The following ATP6V0D2 variants were observed in gnomAD, a reference collection of about 807,000 sequenced individuals.
ATP6V0D2 encodes the protein V-type proton ATPase subunit d 2.
A neutral mutation model predicts 40.0 loss-of-function variants in ATP6V0D2; 40 were observed. That is an observed-to-expected ratio of 1.00 (90% CI 0.78 to 1.30). The LOEUF (loss-of-function observed/expected upper bound fraction) is 1.30, where lower values mean the gene tolerates loss of function less well. Among genes scored for constraint, ATP6V0D2 ranks in the 50% most tolerant of loss-of-function variants. ATP6V0D2 has a pLI of 0.00. For synonymous variants in ATP6V0D2, 179 were observed against 156.3 expected (o/e 1.15, Z -1.08); for missense variants, 470 against 423.1 (o/e 1.11, Z -0.97).
chr8:86,113,210 G>A (rs943197469), intron 1 of ATP6V0D2, among the ~76,000 whole-genome samples: 2 of 151,786 alleles, frequency 1.3e-5, no homozygotes, highest in Non-Finnish European at 2.9e-5. Context: ...CAGGCACAGT[G>A]GCTCCTGCCT....
intron 6 of ATP6V0D2, among the ~76,000 whole-genome samples, chr8:86,151,206 T>C (rs1819145556): frequency 6.7e-6 from 1 of 149,914 alleles, no homozygotes; most frequent in African/African-American, 2.4e-5. Flanking sequence ...AGTGAGAAAA[T>C]GAGCTCAAAC....
intron 2 of ATP6V0D2, among the ~76,000 whole-genome samples, chr8:86,128,663 A>G (rs1160831027): frequency 6.6e-6 from 1 of 152,256 alleles, no homozygotes; most frequent in Non-Finnish European, 1.5e-5. Flanking sequence ...TAAAGGAAAC[A>G]TCATATAAAA....
At chr8:86,100,326 CAAT>C (rs1183739147) in intron 1 of ATP6V0D2, among the ~76,000 whole-genome samples, 1 of 151,954 alleles carries the variant, frequency 6.6e-6, no homozygotes, top group Non-Finnish European at 1.5e-5. Context: ...CCATATAGGT[CAAT>C]AATAAGGTGG....
intron 7 of ATP6V0D2, among the ~76,000 whole-genome samples, chr8:86,151,895 T>C (rs1176076776): frequency 4.6e-5 from 7 of 152,090 alleles, no homozygotes; most frequent in Non-Finnish European, 1.0e-4. Context: ...AAAATTTTGG[T>C]TAATCATATG....
intron 1 of ATP6V0D2, among the ~76,000 whole-genome samples, chr8:86,104,903 T>C (rs1447360657): frequency 1.4e-5 from 2 of 144,438 alleles, no homozygotes; most frequent in Non-Finnish European, 1.5e-5. Context: ...TCAGGCAAGA[T>C]AAATGATAAA....
At chr8:86,129,837 C>T (rs1236509726) in intron 2 of ATP6V0D2, among the ~76,000 whole-genome samples, 1 of 150,012 alleles carries the variant, frequency 6.7e-6, no homozygotes, top group Non-Finnish European at 1.5e-5. Flanking sequence ...ATTGACCAGG[C>T]ATGATGGTGC....
chr8:86,150,062 T>C (rs1346804620), intron 5 of ATP6V0D2, 50 bp from the exon 6 acceptor site: 2 of 1,548,538 alleles, frequency 1.3e-6, no homozygotes, highest in Admixed American at 1.8e-5. Flanking sequence ...AGTCTGTTTA[T>C]AGCATTTAGC....
In ATP6V0D2 at chr8:86,141,454, AT is replaced by A. The variant is rs1452804213; in HGVS notation, c.488del (p.Phe163SerfsTer11). On this transcript the variant is annotated frameshift_variant, in exon 4 of 8. Transcript: ENST00000285393. LOFTEE classifies it high-confidence loss of function. ...AILIETPLAP[F>X]FQDCMSENAL... Reference sequence around the variant, plus strand: ...TATGGCAATTTCTGCTTTCAGCTCCATTCTTCCAAGACTGCATGTCTGAAAA... The same window carrying A: ...TATGGCAATTTCTGCTTTCAGCTCCATCTTCCAAGACTGCATGTCTGAAAA... The A allele has an allele frequency of 6.2e-7, 1 of 1,609,448 alleles. No individual in the cohort carries two copies. Among genetic ancestry groups the A allele is most frequent in the Non-Finnish European group, 8.5e-7 (1 of 1,177,818 alleles).
chr8:86,149,192 A>G (rs1038562297), intron 5 of ATP6V0D2, among the ~76,000 whole-genome samples: 6 of 152,026 alleles, frequency 3.9e-5, no homozygotes, highest in African/African-American at 1.5e-4. Context: ...CCTAGAGAAG[A>G]GCTGCGTAGC....
chr8:86,129,583 C>A (rs1322802112), intron 2 of ATP6V0D2, among the ~76,000 whole-genome samples: 1 of 151,976 alleles, frequency 6.6e-6, no homozygotes, highest in Non-Finnish European at 1.5e-5. Context: ...AGGCCGAGGC[C>A]TGCAGATCAT....
intron 1 of ATP6V0D2, among the ~76,000 whole-genome samples, chr8:86,113,412 G>T (rs1346370515): frequency 6.6e-6 from 1 of 152,194 alleles, no homozygotes; most frequent in African/African-American, 2.4e-5. Flanking sequence ...AACCCAAGAG[G>T]CAGAGGTTGC....
intron 5 of ATP6V0D2, 109 bp downstream of exon 5, chr8:86,143,063 A>G (rs532452646): frequency 1.3e-5 from 9 of 676,314 alleles, no homozygotes; most frequent in African/African-American, 9.1e-5. Context: ...TTAATCTAGA[A>G]GTAAGACAAG....
intron 3 of ATP6V0D2, among the ~76,000 whole-genome samples, chr8:86,140,078 T>C (rs1818953608): frequency 6.6e-6 from 1 of 152,216 alleles, no homozygotes; most frequent in Non-Finnish European, 1.5e-5. Flanking sequence ...ATAGGAAGCA[T>C]TTTCTTTCAG....
At chr8:86,104,217 T>C (rs1818438568) in intron 1 of ATP6V0D2, among the ~76,000 whole-genome samples, 1 of 152,170 alleles carries the variant, frequency 6.6e-6, no homozygotes, top group African/African-American at 2.4e-5. Context: ...TAAAATTTAT[T>C]TTTTTAATAG....
intron 2 of ATP6V0D2, among the ~76,000 whole-genome samples, chr8:86,119,182 G>T (rs753891263): frequency 2.7e-5 from 4 of 150,774 alleles, no homozygotes; most frequent in East Asian, 3.9e-4. Context: ...TTGGTCAAAG[G>T]TTCCGCTCAC....
In ATP6V0D2 at chr8:86,152,979, C is replaced by A. The variant is rs935478518; in HGVS notation, c.*2C>A. On this transcript the variant is annotated 3_prime_UTR_variant, in exon 8 of 8. Transcript: ENST00000285393. The stretch of plus-strand genomic sequence containing the variant: ...AACAGTTACATTCCAATTTTATAAC[C>A]CAAGTAAGGTTCTCAAATGTAGAAA... 5 of 1,579,742 alleles carry A rather than the reference C, an allele frequency of 3.2e-6. No homozygotes were observed. Among genetic ancestry groups the A allele is most frequent in the South Asian group, 1.2e-5 (1 of 84,200 alleles).
At chr8:86,106,581 C>A (rs1818472358) in intron 1 of ATP6V0D2, among the ~76,000 whole-genome samples, 1 of 152,206 alleles carries the variant, frequency 6.6e-6, no homozygotes, top group Admixed American at 6.5e-5. Context: ...TGTTTTCCCT[C>A]TTCTGCTAGA....
intron 1 of ATP6V0D2, among the ~76,000 whole-genome samples, chr8:86,110,341 C>G (rs1188338382): frequency 2.0e-5 from 3 of 152,164 alleles, no homozygotes; most frequent in Non-Finnish European, 4.4e-5. Context: ...GTGATCCACC[C>G]GCCTCAGCCT....
chr8:86,118,434 C>A (rs1478737446), intron 2 of ATP6V0D2, among the ~76,000 whole-genome samples: 1 of 151,908 alleles, frequency 6.6e-6, no homozygotes, highest in Non-Finnish European at 1.5e-5. Flanking sequence ...CTGCAAGGCC[C>A]TTCCTAAAAA....
Sources: gnomAD v4.1 joint callset for allele counts (sites outside exome capture counted in the v4.1 genomes callset) on GRCh38, gnomAD v4.1.1 for gene constraint, MANE v1.5 for transcripts, NCBI Gene and HGNC (gene_info 2026-07-23, HGNC 2026-07-21) for gene names.